Variants in FAM90A1 observed in about 807,000 individuals in gnomAD.
FAM90A1 encodes family with sequence similarity 90 member A1, also known as protein FAM90A1.
Under a neutral mutation model 14.8 loss-of-function variants are expected in FAM90A1, and 10 were observed. The ratio of observed to expected loss-of-function variants is 0.67; its 90% CI spans 0.42 to 1.14. The LOEUF (loss-of-function observed/expected upper bound fraction) is 1.14, where lower values mean the gene tolerates loss of function less well. FAM90A1 is among the 50% of genes most tolerant of loss of function. The pLI is 0.00. For missense variants in FAM90A1, 567 were observed against 602.8 expected, an observed-to-expected ratio of 0.94 and a Z score of 0.62; for synonymous variants, 236 against 248.4, an observed-to-expected ratio of 0.95 and a Z score of 0.47.
At position 8,222,520 on chromosome 12, in the gene FAM90A1, G is replaced by A. The variant is rs1037445403; in HGVS notation, c.697C>T (p.Pro233Ser). ...GGAACTTCTCGACAGCCACCCGCAG[G>A]GCTGCTGTGTGTCGGCTTCACCACG... ...LLVVKPTHSS[P>S]AGGCREVPQA... The change falls in exon 7 of 7, where the codon CCT (proline) becomes TCT (serine). Residue 233 changes from proline (P) to serine (S), a missense_variant. Pro to Ser is a moderately conservative substitution (Grantham distance 74). Transcript: ENST00000538603. 1.2e-5 allele frequency: 19 copies of A among 1,611,694 alleles called. No homozygotes were observed. The African/African-American group carries it at 1.3e-4, about 11-fold the overall frequency.
intron 6 of FAM90A1, 75 bp from the exon 7 acceptor site, chr12:8,222,859 A>G: frequency 2.0e-6 from 3 of 1,477,768 alleles, no homozygotes; most frequent in Admixed American, 3.9e-5. Context: ...ACATCCAAAG[A>G]CAAGGTGCAC....
At position 8,221,623 on chromosome 12, in the gene FAM90A1, C is replaced by A. The variant is rs139145613; in HGVS notation, c.*199G>T. 13 of 655,286 alleles carry A rather than the reference C, an allele frequency of 2.0e-5. No homozygotes were observed. The highest frequency in any genetic ancestry group is 8.4e-4 in the Middle Eastern group (2 of 2,380). 40.6% of individuals were successfully genotyped at this position (655,286 alleles called of 1,614,324 possible). A position where few individuals can be genotyped will look rare whatever the true frequency, so the allele number is the denominator to read the frequency against. The stretch of plus-strand genomic sequence containing the variant: ...CAGAGAACCATGCGAACTACAATGT[C>A]CCTCACCAGAATTCAACGTGGCAGA... On this transcript the variant is annotated 3_prime_UTR_variant, in exon 7 of 7. Coordinates refer to ENST00000538603, the MANE Select transcript of FAM90A1 (RefSeq NM_018088.3).
At chr12:8,224,930 A>G (rs1376104605) in intron 3 of FAM90A1, 42 bp from the exon 4 acceptor site, 25 of 1,485,728 alleles carry the variant, frequency 1.7e-5, no homozygotes, top group Non-Finnish European at 2.3e-5. Context: ...GGTTAAGCAC[A>G]TTGGATATTC....
rs755475532 is a variant in FAM90A1 at position 8,222,465 on chromosome 12, A to G, written c.752T>C (p.Leu251Pro). The G allele has an allele frequency of 6.2e-7, 1 of 1,600,676 alleles. No individual in the cohort carries two copies. Among genetic ancestry groups the G allele is most frequent in the Non-Finnish European group, 8.5e-7 (1 of 1,171,766 alleles). ...PQAASKTHGL[L>P]QAVSPQAQDK... Reference sequence around the variant, plus strand: ...TTGTGCCTGGGGGCTGACGGCCTGGAGCAGGCCGTGGGTTTTGGAGGCAGC... The same window carrying G: ...TTGTGCCTGGGGGCTGACGGCCTGGGGCAGGCCGTGGGTTTTGGAGGCAGC... Residue 251 changes from leucine to proline, a missense_variant, in exon 7 of 7, where the codon CTC becomes CCC. By Grantham distance (98) the Leu-to-Pro change is moderately conservative (BLOSUM62 -3). Coordinates refer to ENST00000538603, the MANE Select transcript of FAM90A1 (RefSeq NM_018088.3).
In FAM90A1 at chr12:8,224,019, G is replaced by T. The variant is rs1277057415; in HGVS notation, c.320C>A (p.Pro107Gln). Residue 107 changes from proline (P) to glutamine (Q), a missense_variant, in exon 5 of 7, where the codon CCA becomes CAA. Pro to Gln is a moderately conservative substitution (Grantham distance 76, BLOSUM62 -1). Coordinates refer to ENST00000538603, the MANE Select transcript of FAM90A1 (RefSeq NM_018088.3). ...NKDKGEKEERPRPQDPQRKAL... is the reference protein window; with the variant it reads ...NKDKGEKEERQRPQDPQRKAL... Reference sequence around the variant, plus strand: ...GAAAACCACTCCCACTGCTCACCTTGGTCTCTCTTCCTTCTCTCCCTTATC... The same window carrying T: ...GAAAACCACTCCCACTGCTCACCTTTGTCTCTCTTCCTTCTCTCCCTTATC... 1 of 1,611,924 alleles carries T rather than the reference G, an allele frequency of 6.2e-7. No homozygotes were observed. The highest frequency in any genetic ancestry group is 2.2e-5 in the East Asian group (1 of 44,886).
chr12:8,225,790 C>T (rs1468914672), intron 3 of FAM90A1, 46 bp downstream of exon 3: 1 of 151,720 alleles, frequency 6.6e-6, no homozygotes, highest in Non-Finnish European at 1.5e-5. Flanking sequence ...TTCCCCCCCA[C>T]CCCTCAGGGA....
In FAM90A1 at chr12:8,221,610, C is replaced by T. The variant is rs183461399; in HGVS notation, c.*212G>A. 2 of 627,806 alleles carry T rather than the reference C, an allele frequency of 3.2e-6. No individual in the cohort carries two copies. The highest frequency in any genetic ancestry group is 5.5e-6 in the Non-Finnish European group (2 of 364,518). 38.9% of individuals were successfully genotyped at this position (627,806 alleles called of 1,614,324 possible). A position where few individuals can be genotyped will look rare whatever the true frequency, so the allele number is the denominator to read the frequency against. The stretch of plus-strand genomic sequence containing the variant: ...CCTGGCGCGTTTCCAGAGAACCATG[C>T]GAACTACAATGTCCCTCACCAGAAT... On this transcript the variant is annotated 3_prime_UTR_variant, in exon 7 of 7. Coordinates refer to ENST00000538603, the MANE Select transcript of FAM90A1 (RefSeq NM_018088.3).
In FAM90A1 at chr12:8,222,191, T is replaced by C; in HGVS notation, c.1026A>G (p.Pro342=). The C allele has an allele frequency of 6.2e-7, 1 of 1,607,972 alleles. No individual in the cohort carries two copies. Among genetic ancestry groups the C allele is most frequent in the Non-Finnish European group, 8.5e-7 (1 of 1,177,094 alleles). ...QPPPAATELG[P]RTSPQTGTRT... ...TCGTGCCTGTCTGGGGTGACGTACGTGGTCCAAGTTCGGTTGCGGCTGGCG... is the reference window on the plus strand; with the variant it reads ...TCGTGCCTGTCTGGGGTGACGTACGCGGTCCAAGTTCGGTTGCGGCTGGCG... Residue 342 remains proline (P), a synonymous_variant, in exon 7 of 7, where the codon CCA becomes CCG. Coordinates refer to ENST00000538603, the MANE Select transcript of FAM90A1 (RefSeq NM_018088.3).
intron 6 of FAM90A1, among the ~76,000 whole-genome samples, chr12:8,223,224 T>A (rs1205627154): frequency 6.6e-6 from 1 of 152,218 alleles, no homozygotes; most frequent in African/African-American, 2.4e-5. Flanking sequence ...AACGTGTTGT[T>A]GGCAGGCTTG....
intron 1 of FAM90A1, among the ~76,000 whole-genome samples, chr12:8,227,209 G>A (rs939398676): frequency 6.6e-6 from 1 of 152,234 alleles, no homozygotes; most frequent in Admixed American, 6.5e-5. Context: ...GTGAGGAGGG[G>A]GAAAAGCAGA....
rs1164094431 is a variant in FAM90A1 at position 8,221,808 on chromosome 12, T to G, written c.*14A>C. On this transcript the variant is annotated 3_prime_UTR_variant, in exon 7 of 7. Transcript: ENST00000538603. The stretch of plus-strand genomic sequence containing the variant: ...CGGGAGCTGGAGGCCAAGGAGCCCC[T>G]GCCACCTGCAGTCTCACTCCAGGTC... The G allele has an allele frequency of 1.9e-6, 3 of 1,594,076 alleles. No individual in the cohort carries two copies. The Admixed American group carries it at 5.0e-5, about 27-fold the overall frequency.
chr12:8,224,056 G>A lies in FAM90A1; in HGVS notation c.283C>T (p.Pro95Ser), dbSNP rs1464775990. 8 of 1,611,918 alleles carry A rather than the reference G, an allele frequency of 5.0e-6. No individual in the cohort carries two copies. Among genetic ancestry groups the A allele is most frequent in the African/African-American group, 2.7e-5 (2 of 74,840 alleles). ...WKPQVEANPGPLNKDKGEKEE... is the reference protein window; with the variant it reads ...WKPQVEANPGSLNKDKGEKEE... Reference sequence around the variant, plus strand: ...TTCTCTCCCTTATCCTTGTTCAAGGGCCCAGGGTTCGCTTCAACCTGGGGC... The same window carrying A: ...TTCTCTCCCTTATCCTTGTTCAAGGACCCAGGGTTCGCTTCAACCTGGGGC... Residue 95 changes from proline (P) to serine (S), a missense_variant, in exon 5 of 7, where the codon CCC becomes TCC. Physicochemically the swap from Pro to Ser is moderately conservative, Grantham distance 74. Transcript: ENST00000538603.
rs756518718 is a variant in FAM90A1 at position 8,222,473 on chromosome 12, G to A, written c.744C>T (p.His248=). 4.4e-6 allele frequency: 7 copies of A among 1,604,584 alleles called. No individual in the cohort carries two copies. In the Admixed American group the frequency reaches 6.7e-5, roughly 15 times the overall value. Residue 248 remains histidine, a synonymous_variant, in exon 7 of 7, where the codon CAC becomes CAT. Transcript: ENST00000538603. ...GGGGGCTGACGGCCTGGAGCAGGCC[G>A]TGGGTTTTGGAGGCAGCCTGGGGAA... is the stretch of plus-strand genomic sequence containing the variant. ...REVPQAASKT[H]GLLQAVSPQA...
chr12:8,225,572 T>A (rs1198395824), intron 3 of FAM90A1, among the ~76,000 whole-genome samples: 2 of 152,358 alleles, frequency 1.3e-5, no homozygotes, highest in East Asian at 3.9e-4. Context: ...CAAACCACCC[T>A]TTTTTCCAAA....
Position 8,221,607 on chromosome 12 carries a change from A to G in FAM90A1, c.*215T>C. 1.6e-6 allele frequency: 1 copy of G among 624,170 alleles called. No individual in the cohort carries two copies. The highest frequency in any genetic ancestry group is 4.4e-4 in the Middle Eastern group (1 of 2,298). The allele number at this position is 624,170 out of a possible 1,614,324, so 38.7% of individuals were successfully genotyped here. A position where few individuals can be genotyped will look rare whatever the true frequency, so the allele number is the denominator to read the frequency against. On this transcript the variant is annotated 3_prime_UTR_variant, in exon 7 of 7. Coordinates refer to ENST00000538603, the MANE Select transcript of FAM90A1 (RefSeq NM_018088.3). ...TTTCCTGGCGCGTTTCCAGAGAACC[A>G]TGCGAACTACAATGTCCCTCACCAG...
Position 8,225,854 on chromosome 12 carries a change from T to G in FAM90A1, c.-75A>C, listed in dbSNP as rs1180692689. Reference sequence around the variant, plus strand: ...AACTAACCTGAAATTACACGTCTACTTTCTTTCCCCGGCTGGCGCTGAGAT... The same window carrying G: ...AACTAACCTGAAATTACACGTCTACGTTCTTTCCCCGGCTGGCGCTGAGAT... On this transcript the variant is annotated 5_prime_UTR_variant, in exon 3 of 7. Coordinates refer to ENST00000538603, the MANE Select transcript of FAM90A1 (RefSeq NM_018088.3). 12 of 152,238 alleles carry G rather than the reference T, an allele frequency of 7.9e-5. No individual in the cohort carries two copies. The highest frequency in any genetic ancestry group is 2.1e-4 in the South Asian group (1 of 4,816). 9.4% of individuals were successfully genotyped at this position (152,238 alleles called of 1,614,324 possible).
intron 3 of FAM90A1, 89 bp from the exon 4 acceptor site, chr12:8,224,977 G>C (rs375981005): frequency 1.9e-6 from 2 of 1,030,604 alleles, no homozygotes; most frequent in Non-Finnish European, 2.9e-6. Context: ...ATTCCTTGCC[G>C]GTGTGGTCAT....
intron 5 of FAM90A1, 118 bp from the exon 6 acceptor site, chr12:8,223,675 C>G (rs771443322): frequency 1.4e-6 from 1 of 732,824 alleles, no homozygotes; most frequent in East Asian, 2.6e-5. Context: ...ACATCTGGTG[C>G]CCTTTCCGCC....
In FAM90A1 at chr12:8,221,600, G is replaced by A. The variant is rs762233495; in HGVS notation, c.*222C>T. On this transcript the variant is annotated 3_prime_UTR_variant, in exon 7 of 7. Transcript: ENST00000538603. ...GGAAGCTTTTCCTGGCGCGTTTCCA[G>A]AGAACCATGCGAACTACAATGTCCC... is the stretch of plus-strand genomic sequence containing the variant. 1.6e-6 allele frequency: 1 copy of A among 613,996 alleles called. No individual in the cohort carries two copies. The highest frequency in any genetic ancestry group is 2.9e-5 in the East Asian group (1 of 35,032). The allele number at this position is 613,996 out of a possible 1,614,324, so 38.0% of individuals were successfully genotyped here. A position where few individuals can be genotyped will look rare whatever the true frequency, so the allele number is the denominator to read the frequency against.
Sources: gnomAD v4.1 joint callset for allele counts (sites outside exome capture counted in the v4.1 genomes callset) on GRCh38, gnomAD v4.1.1 for gene constraint, MANE v1.5 for transcripts, NCBI Gene and HGNC (gene_info 2026-07-23, HGNC 2026-07-21) for gene names.